The following GALNT13 variants were observed in gnomAD, a reference collection of about 807,000 sequenced individuals.
The protein encoded by GALNT13 is UDP-GalNAc:polypeptide N-acetylgalactosaminyltransferase 13.
In GALNT13, 28 loss-of-function variants were observed where a neutral mutation model predicts 64.2. The observed-to-expected ratio is 0.44, with a 90% CI of 0.32 to 0.60. GALNT13 has a LOEUF of 0.60. GALNT13 is among the 20% of genes least tolerant of loss of function. The pLI, the probability that GALNT13 is intolerant of heterozygous loss-of-function variation, is 0.05. For missense variants in GALNT13, 577 were observed against 669.8 expected, an observed-to-expected ratio of 0.86 and a Z score of 1.53; for synonymous variants, 214 against 224.6, an observed-to-expected ratio of 0.95 and a Z score of 0.42.
chr2:153,955,447 C>T (rs537781255), intron 3 of GALNT13, among the ~76,000 whole-genome samples: 1 of 152,218 alleles, frequency 6.6e-6, no homozygotes, highest in South Asian at 2.1e-4. Context: ...AAGCATCTTG[C>T]CTTTCCCAAA....
intron 9 of GALNT13, among the ~76,000 whole-genome samples, chr2:154,356,392 T>A (rs539973332): frequency 6.6e-6 from 1 of 152,056 alleles, no homozygotes; most frequent in African/African-American, 2.4e-5. Context: ...TTATGAGAAA[T>A]CTAGACACAT....
chr2:153,619,107 C>G, the GALNT13 span, among the ~76,000 whole-genome samples: 1 of 151,900 alleles, frequency 6.6e-6, no homozygotes, highest in African/African-American at 2.4e-5. Flanking sequence ...TTGTTTCTTT[C>G]CTTCCTGTCT....
the GALNT13 span, among the ~76,000 whole-genome samples, chr2:153,274,588 A>G: frequency 6.6e-6 from 1 of 152,184 alleles, no homozygotes; most frequent in Non-Finnish European, 1.5e-5. Context: ...TGACTTCTCT[A>G]TATCTTGGAA....
intron 3 of GALNT13, among the ~76,000 whole-genome samples, chr2:154,011,037 C>T (rs1696599554): frequency 6.6e-6 from 1 of 151,614 alleles, no homozygotes. Flanking sequence ...CTTATTTATT[C>T]CACAAAAACA....
At chr2:153,237,888 T>C in the GALNT13 span, among the ~76,000 whole-genome samples, 1 of 152,156 alleles carries the variant, frequency 6.6e-6, no homozygotes, top group Non-Finnish European at 1.5e-5. Context: ...GTTCTATTTT[T>C]AATTTTTGAG....
the GALNT13 span, among the ~76,000 whole-genome samples, chr2:153,696,595 T>C: frequency 7.1e-6 from 1 of 140,628 alleles, no homozygotes; most frequent in Non-Finnish European, 1.6e-5. Context: ...TTACCAATAG[T>C]ACTACTAATA....
intron 3 of GALNT13, among the ~76,000 whole-genome samples, chr2:154,059,455 A>AT (rs1346119817): frequency 6.6e-6 from 1 of 152,156 alleles, no homozygotes; most frequent in Non-Finnish European, 1.5e-5. Context: ...CATGGACTTC[A>AT]TTTTGTTTTT....
At chr2:153,152,926 T>C in the GALNT13 span, among the ~76,000 whole-genome samples, 1 of 152,324 alleles carries the variant, frequency 6.6e-6, no homozygotes, top group Admixed American at 6.5e-5. Context: ...ATATACCCAG[T>C]AATGGGATTG....
chr2:153,429,278 T>C, the GALNT13 span, among the ~76,000 whole-genome samples: 1 of 152,214 alleles, frequency 6.6e-6, no homozygotes, highest in African/African-American at 2.4e-5. Flanking sequence ...TCAGAGCATA[T>C]CTACTTCCTT....
At chr2:153,767,195 C>T in the GALNT13 span, among the ~76,000 whole-genome samples, 1 of 152,132 alleles carries the variant, frequency 6.6e-6, no homozygotes, top group Admixed American at 6.5e-5. Flanking sequence ...TAAGTGAGAA[C>T]ATGAGGTATT....
intron 3 of GALNT13, among the ~76,000 whole-genome samples, chr2:153,952,550 G>A (rs1358277585): frequency 6.6e-6 from 1 of 152,112 alleles, no homozygotes; most frequent in African/African-American, 2.4e-5. Context: ...GAAAGGATCT[G>A]CTTAGAAACT....
chr2:154,242,909 A>C lies in GALNT13; in HGVS notation c.686+4A>C. On this transcript the variant is annotated splice_donor_region_variant and intron_variant, in intron 6 of 12. Coordinates refer to ENST00000392825, the MANE Select transcript of GALNT13 (RefSeq NM_052917.4). ...TGGCAAGAATAAAGGAAGACAGGTA[A>C]GAATTTATGTGTTCTGTCTGCCTGG... 6.2e-7 allele frequency: 1 copy of C among 1,612,364 alleles called. No individual in the cohort carries two copies. The highest frequency in any genetic ancestry group is 8.5e-7 in the Non-Finnish European group (1 of 1,178,552).
intron 4 of GALNT13, among the ~76,000 whole-genome samples, chr2:154,208,316 C>G (rs1687578822): frequency 6.6e-6 from 1 of 151,970 alleles, no homozygotes; most frequent in Non-Finnish European, 1.5e-5. Flanking sequence ...AAAAGCAGAA[C>G]TTAGAGTCAG....
chr2:154,265,756 A>G (rs1053688998), intron 8 of GALNT13, among the ~76,000 whole-genome samples: 3 of 152,204 alleles, frequency 2.0e-5, no homozygotes, highest in African/African-American at 7.2e-5. Flanking sequence ...GTACCTCCCA[A>G]TTCATTCTGT....
chr2:153,729,911 A>C, the GALNT13 span, among the ~76,000 whole-genome samples: 1 of 151,872 alleles, frequency 6.6e-6, no homozygotes, highest in Non-Finnish European at 1.5e-5. Flanking sequence ...AGAGAACCAC[A>C]AAACACTGAT....
intron 4 of GALNT13, among the ~76,000 whole-genome samples, chr2:154,184,572 C>CT (rs1445984320): frequency 5.9e-5 from 9 of 151,570 alleles, no homozygotes; most frequent in Non-Finnish European, 1.3e-4. Flanking sequence ...TATCATGTGT[C>CT]TTAGTCTGTT....
rs758267706 is a variant in GALNT13, at chr2:154,301,452, A to G, written c.1019A>G (p.His340Arg). The G allele has an allele frequency of 5.6e-6, 9 of 1,613,688 alleles. No homozygotes were observed. The Admixed American group carries it at 8.3e-5, about 15-fold the overall frequency. ...TCCTTGGAGATTGTTACTTGCTCCC[A>G]TGTTGGTCATGTTTTTCGGAAGGCA... The part of the protein sequence containing the change: ...GGSLEIVTCS[H>R]VGHVFRKATP... Residue 340 changes from histidine (H) to arginine (R), a missense_variant, in exon 9 of 13, where the codon CAT becomes CGT. His to Arg is a conservative substitution (Grantham distance 29). This residue lies in a region of GALNT13 where 232 missense variants were observed against 270.6 expected (regional missense o/e 0.86). Coordinates refer to ENST00000392825, the MANE Select transcript of GALNT13 (RefSeq NM_052917.4).
intron 10 of GALNT13, among the ~76,000 whole-genome samples, chr2:154,398,695 G>T (rs1699164452): frequency 6.6e-6 from 1 of 152,140 alleles, no homozygotes; most frequent in South Asian, 2.1e-4. Context: ...ATTTTGAGTG[G>T]CATTAAGTAT....
At chr2:153,846,591 C>T in the GALNT13 span, among the ~76,000 whole-genome samples, 1 of 152,010 alleles carries the variant, frequency 6.6e-6, no homozygotes, top group African/African-American at 2.4e-5. Context: ...ATTTAAAGAT[C>T]ACATTAAAAG....
Sources: gnomAD v4.1 joint callset for allele counts (sites outside exome capture counted in the v4.1 genomes callset) on GRCh38, gnomAD v4.1.1 for gene constraint, gnomAD v4.1.1 regional missense constraint, MANE v1.5 for transcripts, NCBI Gene and HGNC (gene_info 2026-07-23, HGNC 2026-07-21) for gene names.